The following PRKCH variants were observed in gnomAD, a reference collection of about 807,000 sequenced individuals.
The protein encoded by PRKCH is protein kinase C eta type.
PRKCH carries 28 observed loss-of-function variants against 82.5 expected under a neutral mutation model. The observed-to-expected ratio is 0.34, with a 90% CI of 0.25 to 0.47. The LOEUF is 0.47. Among genes scored for constraint, PRKCH ranks in the 20% least tolerant of loss-of-function variants. The pLI is 1.00. For synonymous variants in PRKCH, 322 were observed against 327.4 expected (o/e 0.98, Z 0.18); for missense variants, 705 against 881.8 (o/e 0.80, Z 2.54).
chr14:61,303,012 AT>A (rs139375822), intron 1 of PRKCH: 7,822 of 128,908 alleles, frequency 0.061, 203 homozygotes, highest in African/African-American at 0.092. Flanking sequence ...TGTTCCTTCA[AT>A]TTTTTTTTTT....
intron 1 of PRKCH, among the ~76,000 whole-genome samples, chr14:61,387,006 C>G (rs147877378): frequency 7.9e-5 from 12 of 152,308 alleles, no homozygotes; most frequent in East Asian, 7.7e-4. Flanking sequence ...GAGCTGTTCT[C>G]TTTCTGTCCC....
intron 1 of PRKCH, among the ~76,000 whole-genome samples, chr14:61,277,159 A>G (rs1043338101): frequency 1.3e-5 from 2 of 152,178 alleles, no homozygotes; most frequent in African/African-American, 2.4e-5. Flanking sequence ...CCAAGTTCAC[A>G]TCACAGCACT....
At chr14:61,236,199 G>T (rs1022233483) in intron 1 of PRKCH, among the ~76,000 whole-genome samples, 5 of 152,092 alleles carry the variant, frequency 3.3e-5, no homozygotes, top group African/African-American at 1.2e-4. Context: ...GTGAAACCCT[G>T]TCTCTGCTAA....
rs79808048 is a variant in PRKCH, at chr14:61,457,399, G to A, written c.1104+80G>A. On this transcript the variant is annotated intron_variant, in intron 8 of 13. Transcript: ENST00000332981. ...GGTGTGTGTGTGTGTGCACGCATGCGCACATACTCACATTTCTCATGTGCC... is the reference window on the plus strand; with the variant it reads ...GGTGTGTGTGTGTGTGCACGCATGCACACATACTCACATTTCTCATGTGCC... 388 of 1,587,068 alleles carry A rather than the reference G, an allele frequency of 2.4e-4. 4 individuals carry two copies. The Admixed American group carries it at 3.9e-3, about 16-fold the overall frequency.
intron 1 of PRKCH, among the ~76,000 whole-genome samples, chr14:61,349,707 A>G (rs567136179): frequency 1.3e-5 from 2 of 152,210 alleles, no homozygotes; most frequent in South Asian, 4.2e-4. Context: ...CTAAAAATAC[A>G]AAAATTAGCC....
intron 2 of PRKCH, 86 bp downstream of exon 2, chr14:61,391,374 A>G: frequency 3.3e-6 from 4 of 1,207,544 alleles, no homozygotes; most frequent in Non-Finnish European, 4.6e-6. Context: ...CATTATAAAA[A>G]AGAGCATGTT....
At chr14:61,510,576 TG>T (rs1566921214) in intron 10 of PRKCH, among the ~76,000 whole-genome samples, 1 of 152,184 alleles carries the variant, frequency 6.6e-6, no homozygotes, top group Non-Finnish European at 1.5e-5. Flanking sequence ...TTTGTTTTTT[TG>T]TGTTTAAAGA....
intron 1 of PRKCH, among the ~76,000 whole-genome samples, chr14:61,221,470 C>G (rs996187946): frequency 1.3e-5 from 2 of 151,894 alleles, no homozygotes; most frequent in African/African-American, 2.4e-5. Flanking sequence ...GACGTGTGCC[C>G]CCTTCATGTG....
chr14:61,514,795 C>T (rs1432597468), intron 10 of PRKCH, among the ~76,000 whole-genome samples: 2 of 152,152 alleles, frequency 1.3e-5, no homozygotes, highest in Non-Finnish European at 2.9e-5. Flanking sequence ...CAATGAGTCT[C>T]CTCATGGATA....
At chr14:61,198,167 AGTGT>A in intron 1 of PRKCH, among the ~76,000 whole-genome samples, 1 of 75,346 alleles carries the variant, frequency 1.3e-5, no homozygotes, top group Non-Finnish European at 2.8e-5. Context: ...CATGTATTTA[AGTGT>A]ATTTAAGGGC....
chr14:61,231,424 G>A (rs1047475047), intron 1 of PRKCH, among the ~76,000 whole-genome samples: 11 of 149,796 alleles, frequency 7.3e-5, no homozygotes, highest in South Asian at 2.1e-4. Context: ...GTGCAGTGGC[G>A]CGATCTCGGC....
chr14:61,223,514 G>T (rs1269173671), intron 1 of PRKCH, among the ~76,000 whole-genome samples: 1 of 152,222 alleles, frequency 6.6e-6, no homozygotes, highest in Non-Finnish European at 1.5e-5. Flanking sequence ...CTACCATTTG[G>T]CTTAAGGTCA....
At chr14:61,245,175 CA>C (rs957479124) in intron 1 of PRKCH, among the ~76,000 whole-genome samples, 1 of 152,104 alleles carries the variant, frequency 6.6e-6, no homozygotes, top group Admixed American at 6.6e-5. Context: ...GCTTGCAAAT[CA>C]ATTTGGAATT....
chr14:61,234,861 C>T (rs2044774646), intron 1 of PRKCH, among the ~76,000 whole-genome samples: 1 of 152,250 alleles, frequency 6.6e-6, no homozygotes. Context: ...TGTTCAGGGC[C>T]ATCCCATCAG....
At chr14:61,378,170 G>A (rs1378594021) in intron 1 of PRKCH, among the ~76,000 whole-genome samples, 2 of 151,304 alleles carry the variant, frequency 1.3e-5, no homozygotes, top group Admixed American at 6.6e-5. Context: ...GTAAAGCTTC[G>A]CCCTAGCCCA....
At chr14:61,417,953 C>G (rs1882647287) in intron 2 of PRKCH, among the ~76,000 whole-genome samples, 2 of 152,210 alleles carry the variant, frequency 1.3e-5, no homozygotes, top group South Asian at 4.1e-4. Context: ...GCCAGGTCAT[C>G]TGACCTACTG....
chr14:61,487,921 A>G lies in PRKCH; in HGVS notation c.1433+2265A>G, dbSNP rs1886297549. On this transcript the variant is annotated intron_variant, in intron 10 of 13. Coordinates refer to ENST00000332981, the MANE Select transcript of PRKCH (RefSeq NM_006255.5). ...GTAATCCCAGCACTCTGGGAGGCCG[A>G]GGCGGGCGGATCACGAGGTCAGGAG... Among the ~76,000 whole-genome samples, 4 of 152,170 alleles carry G rather than the reference A, an allele frequency of 2.6e-5. No individual in the cohort carries two copies. In the South Asian group the frequency reaches 8.3e-4, roughly 32 times the overall value.
At chr14:61,196,891 C>A (rs1267871316) in intron 1 of PRKCH, among the ~76,000 whole-genome samples, 4 of 152,168 alleles carry the variant, frequency 2.6e-5, no homozygotes, top group African/African-American at 9.7e-5. Flanking sequence ...AGTGCTATCA[C>A]TTCAAAAGAT....
chr14:61,299,259 G>C (rs1594898131), intron 1 of PRKCH, among the ~76,000 whole-genome samples: 1 of 152,152 alleles, frequency 6.6e-6, no homozygotes, highest in East Asian at 1.9e-4. Context: ...GTCTGCATGT[G>C]CAATGGCCAG....
Sources: allele counts gnomAD v4.1 joint callset (sites outside exome capture counted in the v4.1 genomes callset), GRCh38; gene constraint gnomAD v4.1.1; transcripts MANE v1.5; gene names NCBI Gene and HGNC (gene_info 2026-07-23, HGNC 2026-07-21).